Variants in DCLK2 observed in about 807,000 individuals in gnomAD.
The protein encoded by DCLK2 is serine/threonine-protein kinase DCLK2.
Under a neutral mutation model 78.4 loss-of-function variants are expected in DCLK2, and 31 were observed. That is an observed-to-expected ratio of 0.40 (90% CI 0.30 to 0.53). DCLK2 has a LOEUF of 0.53. Ranked by LOEUF, DCLK2 falls within the 20% of genes least tolerant of loss-of-function variation. The probability of loss-of-function intolerance (pLI) is 0.61; values close to 1 mark genes in which losing one functional copy is unlikely to be tolerated. For synonymous variants in DCLK2, 407 were observed against 374.9 expected, an observed-to-expected ratio of 1.09 and a Z score of -0.99; for missense variants, 872 against 973.7, an observed-to-expected ratio of 0.90 and a Z score of 1.39.
At position 150,079,385 on chromosome 4, in the gene DCLK2, G is replaced by T; in HGVS notation, c.358G>T (p.Val120Phe). The part of the protein sequence containing the change: ...LSDNVNLPQG[V>F]RTIYTIDGSR... ...GGACAACGTGAACCTGCCCCAGGGT[G>T]TCCGCACTATCTACACCATCGACGG... The change falls in exon 1 of 16, where the codon GTC becomes TTC. Residue 120 changes from valine (V) to phenylalanine (F), a missense_variant. Physicochemically the swap from Val to Phe is conservative, Grantham distance 50 (BLOSUM62 -1). Transcript: ENST00000296550. 1 of 1,588,692 alleles carries T rather than the reference G, an allele frequency of 6.3e-7. No homozygotes were observed. The highest frequency in any genetic ancestry group is 2.3e-5 in the East Asian group (1 of 43,422).
chr4:150,159,803 A>AGAGGG (rs1028865501), intron 2 of DCLK2, among the ~76,000 whole-genome samples: 7 of 152,202 alleles, frequency 4.6e-5, no homozygotes, highest in Middle Eastern at 3.4e-3. Flanking sequence ...TGGGACAGTG[A>AGAGGG]GAGGGGAGGT....
chr4:150,139,420 C>G (rs1418166452), intron 2 of DCLK2, among the ~76,000 whole-genome samples: 2 of 152,142 alleles, frequency 1.3e-5, no homozygotes, highest in East Asian at 3.9e-4. Context: ...TGGACGAATG[C>G]CTGTGAAGTG....
intron 10 of DCLK2, among the ~76,000 whole-genome samples, chr4:150,237,858 C>A (rs2126591426): frequency 6.6e-6 from 1 of 152,306 alleles, no homozygotes; most frequent in South Asian, 2.1e-4. Flanking sequence ...ACAGGCATTA[C>A]AATGAGTATA....
At chr4:150,146,692 ATAGT>A (rs1734496365) in intron 2 of DCLK2, among the ~76,000 whole-genome samples, 1 of 152,124 alleles carries the variant, frequency 6.6e-6, no homozygotes, top group African/African-American at 2.4e-5. Flanking sequence ...TGCCTGCCAC[ATAGT>A]TAGCCTTCAA....
At chr4:150,253,451 G>A (rs145670738) in intron 15 of DCLK2, 4 of 1,289,670 alleles carry the variant, frequency 3.1e-6, no homozygotes, top group Non-Finnish European at 3.0e-6. Flanking sequence ...AGTTGATGGT[G>A]TTATCTGCAT....
intron 2 of DCLK2, among the ~76,000 whole-genome samples, chr4:150,139,649 T>C (rs1733971448): frequency 1.3e-5 from 2 of 152,178 alleles, no homozygotes; most frequent in African/African-American, 4.8e-5. Flanking sequence ...TTTTGGGAAA[T>C]TGCAGAAAAA....
At chr4:150,166,416 C>G (rs1028914896) in intron 2 of DCLK2, among the ~76,000 whole-genome samples, 3 of 152,056 alleles carry the variant, frequency 2.0e-5, no homozygotes, top group African/African-American at 7.2e-5. Flanking sequence ...ATCACTTGAG[C>G]CTGGGAGATG....
chr4:150,253,086 T>C (rs1224331287), intron 15 of DCLK2, among the ~76,000 whole-genome samples: 1 of 147,628 alleles, frequency 6.8e-6, no homozygotes, highest in East Asian at 2.0e-4. Context: ...CTCGTCCTCC[T>C]CATCCTCCTC....
intron 2 of DCLK2, among the ~76,000 whole-genome samples, chr4:150,120,342 C>T (rs576516509): frequency 1.3e-5 from 2 of 152,226 alleles, no homozygotes; most frequent in East Asian, 3.9e-4. Flanking sequence ...GGTCACTGTG[C>T]AGTTTAAGAA....
At chr4:150,223,743 C>CGATA (rs1553971664) in intron 7 of DCLK2, among the ~76,000 whole-genome samples, 1 of 146,856 alleles carries the variant, frequency 6.8e-6, no homozygotes, top group African/African-American at 2.5e-5. Context: ...GACTCTCTCT[C>CGATA]AATAAATAAA....
At chr4:150,177,582 C>T (rs940508456) in intron 2 of DCLK2, among the ~76,000 whole-genome samples, 7 of 152,108 alleles carry the variant, frequency 4.6e-5, no homozygotes, top group Admixed American at 1.3e-4. Flanking sequence ...AAGAATTTAT[C>T]TTTGCAGTTT....
chr4:150,185,187 TCATATGGTC>T (rs1454168731), intron 2 of DCLK2, among the ~76,000 whole-genome samples: 1 of 152,044 alleles, frequency 6.6e-6, no homozygotes, highest in Non-Finnish European at 1.5e-5. Flanking sequence ...AACATGTCCT[TCATATGGTC>T]CAGGAAGGAG....
intron 4 of DCLK2, among the ~76,000 whole-genome samples, chr4:150,203,392 ATCT>A (rs1163356872): frequency 1.3e-5 from 2 of 152,218 alleles, no homozygotes; most frequent in African/African-American, 4.8e-5. Flanking sequence ...CTTCTTGGTT[ATCT>A]TGGTATACAC....
At chr4:150,097,880 A>G (rs1358477820) in intron 1 of DCLK2, among the ~76,000 whole-genome samples, 1 of 152,238 alleles carries the variant, frequency 6.6e-6, no homozygotes, top group Non-Finnish European at 1.5e-5. Context: ...AGAACTTGAA[A>G]GAGAGAGAAG....
In DCLK2 at chr4:150,232,745, A is replaced by G; in HGVS notation, c.1483A>G (p.Met495Val). The stretch of plus-strand genomic sequence containing the variant: ...GTACACTGAGAGAGATGGCAGTGCC[A>G]TGGTGTACAACTTAGCCAATGCCCT... ...TKYTERDGSA[M>V]VYNLANALRY... Residue 495 changes from methionine to valine, a missense_variant, in exon 10 of 16, where the codon ATG becomes GTG. Transcript: ENST00000296550. The G allele has an allele frequency of 1.9e-6, 3 of 1,614,046 alleles. No homozygotes were observed. The highest frequency in any genetic ancestry group is 1.1e-5 in the South Asian group (1 of 91,080).
chr4:150,194,525 A>G (rs1258301049), intron 3 of DCLK2, among the ~76,000 whole-genome samples: 8 of 152,180 alleles, frequency 5.3e-5, no homozygotes, highest in East Asian at 1.9e-4. Flanking sequence ...AATAATCTCA[A>G]CTATTTCATA....
intron 2 of DCLK2, among the ~76,000 whole-genome samples, chr4:150,169,791 A>G (rs938188503): frequency 3.3e-5 from 5 of 152,228 alleles, no homozygotes; most frequent in Non-Finnish European, 7.3e-5. Flanking sequence ...TTATTTGATC[A>G]TGATCTAATC....
At chr4:150,176,358 A>G (rs2150272951) in intron 2 of DCLK2, among the ~76,000 whole-genome samples, 1 of 152,294 alleles carries the variant, frequency 6.6e-6, no homozygotes. Flanking sequence ...CGAGAAAGAT[A>G]CGGTCTCCAG....
chr4:150,222,710 C>CAAAAAAA (rs1245877405), intron 7 of DCLK2, among the ~76,000 whole-genome samples: 2 of 149,870 alleles, frequency 1.3e-5, no homozygotes, highest in African/African-American at 4.9e-5. Context: ...AAAAAAAAAA[C>CAAAAAAA]AAAAAAAATT....
Sources: gnomAD v4.1 joint callset for allele counts (sites outside exome capture counted in the v4.1 genomes callset) on GRCh38, gnomAD v4.1.1 for gene constraint, MANE v1.5 for transcripts, NCBI Gene and HGNC (gene_info 2026-07-23, HGNC 2026-07-21) for gene names.